RSRC1: variants seen among roughly 807,000 people sequenced by gnomAD.
The protein encoded by RSRC1 is serine/Arginine-related protein 53.
Under a neutral mutation model 49.1 loss-of-function variants are expected in RSRC1, and 39 were observed. The observed-to-expected ratio is 0.79, with a 90% CI of 0.61 to 1.04. The LOEUF (loss-of-function observed/expected upper bound fraction) is 1.04. Ranked by LOEUF, RSRC1 falls within the 50% of genes least tolerant of loss-of-function variation. The probability of loss-of-function intolerance (pLI) is 0.00; values close to 1 mark genes in which losing one functional copy is unlikely to be tolerated. For missense variants in RSRC1, 388 were observed against 402.4 expected, an observed-to-expected ratio of 0.96 and a Z score of 0.31; for synonymous variants, 143 against 130.8, an observed-to-expected ratio of 1.09 and a Z score of -0.63.
rs190805598 is a variant in RSRC1 at position 158,439,363 on chromosome 3, A to G, written c.584-21572A>G. On this transcript the variant is annotated intron_variant, in intron 6 of 9. Coordinates refer to ENST00000611884, the MANE Select transcript of RSRC1 (RefSeq NM_001271838.2). The stretch of plus-strand genomic sequence containing the variant: ...CATGCTGCTATAAAGACACATGCAC[A>G]CATGTGTTTATTGCGGCACTATTCA... Among the ~76,000 whole-genome samples the G allele has an allele frequency of 6.9e-4, 105 of 152,292 alleles. 1 individual carries two copies. The highest frequency in any genetic ancestry group is 2.5e-3 in the African/African-American group (102 of 41,550).
intron 6 of RSRC1, among the ~76,000 whole-genome samples, chr3:158,398,726 T>G (rs1733736576): frequency 6.6e-6 from 1 of 152,166 alleles, no homozygotes; most frequent in African/African-American, 2.4e-5. Context: ...CCTTCTTCCA[T>G]TGTTACTACG....
At position 158,444,611 on chromosome 3, in the gene RSRC1, G is replaced by T. The variant is rs59966175; in HGVS notation, c.584-16324G>T. 2.6e-5 allele frequency among the ~76,000 whole-genome samples: 4 copies of T among 152,108 alleles called. No individual in the cohort carries two copies. In the East Asian group the frequency reaches 7.7e-4, roughly 29 times the overall value. ...ACGTAGGCATGGGCAAGGACTTCAT[G>T]TCTAAAACAGCAAAAGCAATGGCAA... On this transcript the variant is annotated intron_variant, in intron 6 of 9. Coordinates refer to ENST00000611884, the MANE Select transcript of RSRC1 (RefSeq NM_001271838.2).
chr3:158,296,894 C>A (rs979031598), intron 4 of RSRC1, among the ~76,000 whole-genome samples: 5 of 151,840 alleles, frequency 3.3e-5, no homozygotes, highest in African/African-American at 1.2e-4. Context: ...GGTTGGAAGC[C>A]ATGAGTACAG....
At chr3:158,207,226 G>A (rs1018935800) in intron 4 of RSRC1, among the ~76,000 whole-genome samples, 24 of 152,076 alleles carry the variant, frequency 1.6e-4, no homozygotes, top group Admixed American at 9.2e-4. Flanking sequence ...TTGTTTAAAC[G>A]TTCCTAGAAA....
chr3:158,241,096 A>G (rs1467125406), intron 4 of RSRC1, among the ~76,000 whole-genome samples: 2 of 152,200 alleles, frequency 1.3e-5, no homozygotes, highest in Non-Finnish European at 2.9e-5. Context: ...GTAGGGTTTG[A>G]TACTATCCAT....
chr3:158,402,528 T>C (rs1733944107), intron 6 of RSRC1, among the ~76,000 whole-genome samples: 1 of 151,842 alleles, frequency 6.6e-6, no homozygotes, highest in South Asian at 2.1e-4. Context: ...ATTATAGATC[T>C]ACTAAACCTA....
chr3:158,369,740 A>G (rs538645115), intron 6 of RSRC1, among the ~76,000 whole-genome samples: 3 of 152,208 alleles, frequency 2.0e-5, no homozygotes, highest in South Asian at 2.1e-4. Flanking sequence ...TGTCATCCCA[A>G]AAAAGCCAAG....
intron 5 of RSRC1, among the ~76,000 whole-genome samples, chr3:158,312,544 T>C (rs1728191970): frequency 6.6e-6 from 1 of 152,156 alleles, no homozygotes; most frequent in Non-Finnish European, 1.5e-5. Context: ...TATAAGTTTT[T>C]AGAAGGAAAA....
At chr3:158,225,820 T>G in intron 4 of RSRC1, 1 of 348,468 alleles carries the variant, frequency 2.9e-6, no homozygotes, top group Non-Finnish European at 5.6e-6. Context: ...CTTGATAGCA[T>G]TATATCAGTC....
rs546020257 is a variant in RSRC1, at chr3:158,410,849, T to TTGTA, written c.584-50085_584-50082dup. Among the ~76,000 whole-genome samples, 295 of 152,220 alleles carry TTGTA rather than the reference T, an allele frequency of 1.9e-3. 4 individuals are homozygous for TTGTA. Among genetic ancestry groups the TTGTA allele is most frequent in the African/African-American group, 6.9e-3 (285 of 41,566 alleles). ...AATATATAATATTATAAAGCAATTATTGTAAATCAGTACTTGTGTTACACC... is the reference window on the plus strand; with the variant it reads ...AATATATAATATTATAAAGCAATTATTGTATGTAAATCAGTACTTGTGTTACACC... On this transcript the variant is annotated intron_variant, in intron 6 of 9. Coordinates refer to ENST00000611884, the MANE Select transcript of RSRC1 (RefSeq NM_001271838.2).
chr3:158,526,183 C>T (rs971625904), intron 7 of RSRC1, among the ~76,000 whole-genome samples: 1 of 151,930 alleles, frequency 6.6e-6, no homozygotes, highest in Non-Finnish European at 1.5e-5. Flanking sequence ...CTCACATCTT[C>T]TACCATCCTC....
At chr3:158,208,853 A>T (rs139775921) in intron 4 of RSRC1, among the ~76,000 whole-genome samples, 43 of 152,318 alleles carry the variant, frequency 2.8e-4, no homozygotes, top group African/African-American at 1.0e-3. Flanking sequence ...TGATTTGATG[A>T]TGGTGAATGT....
intron 3 of RSRC1, among the ~76,000 whole-genome samples, chr3:158,184,903 T>C (rs538223398): frequency 1.3e-5 from 2 of 152,048 alleles, no homozygotes; most frequent in African/African-American, 4.8e-5. Flanking sequence ...GAAAAACTTT[T>C]AATTATTTTG....
chr3:158,251,573 G>A (rs1428382918), intron 4 of RSRC1, among the ~76,000 whole-genome samples: 6 of 151,862 alleles, frequency 4.0e-5, no homozygotes, highest in Non-Finnish European at 8.8e-5. Context: ...TTTTATTTGT[G>A]GCTATTGTAA....
intron 1 of RSRC1, among the ~76,000 whole-genome samples, chr3:158,118,448 T>TGG (rs1715005866): frequency 7.4e-6 from 1 of 135,732 alleles, no homozygotes; most frequent in Non-Finnish European, 1.6e-5. Context: ...TGTGTGTGTG[T>TGG]GTGTGTGTGT....
intron 4 of RSRC1, among the ~76,000 whole-genome samples, chr3:158,229,399 C>T (rs57072770): frequency 3.7e-5 from 4 of 108,292 alleles, no homozygotes; most frequent in South Asian, 3.0e-4. Flanking sequence ...TATATATACA[C>T]ATACACACGT....
rs189776041 is a variant in RSRC1 at position 158,266,883 on chromosome 3, C to G, written c.495-31156C>G. ...GGCTCAAATGATTCTCCTGCCTCAG[C>G]GTCCTGAGTATCTGAGACTACAGGA... is the stretch of plus-strand genomic sequence containing the variant. On this transcript the variant is annotated intron_variant, in intron 4 of 9. Transcript: ENST00000611884. Among the ~76,000 whole-genome samples, 89 of 152,246 alleles carry G rather than the reference C, an allele frequency of 5.8e-4. 1 individual carries two copies. Among genetic ancestry groups the G allele is most frequent in the Middle Eastern group, 6.8e-3 (2 of 294 alleles).
chr3:158,123,576 G>A (rs952727219), intron 2 of RSRC1, among the ~76,000 whole-genome samples: 1 of 152,166 alleles, frequency 6.6e-6, no homozygotes, highest in African/African-American at 2.4e-5. Context: ...GGGATTACAG[G>A]CATGAGCTAC....
At chr3:158,418,980 A>G (rs1734896574) in intron 6 of RSRC1, among the ~76,000 whole-genome samples, 1 of 151,998 alleles carries the variant, frequency 6.6e-6, no homozygotes, top group Admixed American at 6.6e-5. Context: ...GATCTCACCA[A>G]CCAGTTTATT....
Sources: allele counts gnomAD v4.1 joint callset (sites outside exome capture counted in the v4.1 genomes callset), GRCh38; gene constraint gnomAD v4.1.1; transcripts MANE v1.5; gene names NCBI Gene and HGNC (gene_info 2026-07-23, HGNC 2026-07-21).